Variants in CDC26 observed in about 807,000 individuals in gnomAD.
CDC26 encodes the protein cell division cycle 26, also known as anaphase-promoting complex subunit CDC26.
Under a neutral mutation model 8.0 loss-of-function variants are expected in CDC26, and 2 were observed. That is an observed-to-expected ratio of 0.25 (90% CI 0.10 to 0.79). The LOEUF (loss-of-function observed/expected upper bound fraction) is 0.79. Ranked by LOEUF, CDC26 falls within the 30% of genes least tolerant of loss-of-function variation. CDC26 has a pLI of 0.70. For synonymous variants in CDC26, 19 were observed against 34.9 expected, an observed-to-expected ratio of 0.55 and a Z score of 1.60; for missense variants, 68 against 106.0, an observed-to-expected ratio of 0.64 and a Z score of 1.57.
In CDC26 at chr9:113,272,521, C is replaced by G. The variant is rs769388126; in HGVS notation, c.-14G>C. 2 of 1,584,258 alleles carry G rather than the reference C, an allele frequency of 1.3e-6. No homozygotes were observed. Among genetic ancestry groups the G allele is most frequent in the Non-Finnish European group, 1.7e-6 (2 of 1,152,914 alleles). Reference sequence around the variant, plus strand: ...CCGTCTCAGCATACTGAAGTCAACACTAAGGGCCAAACCCAGTGAACTATT... The same window carrying G: ...CCGTCTCAGCATACTGAAGTCAACAGTAAGGGCCAAACCCAGTGAACTATT... On this transcript the variant is annotated 5_prime_UTR_variant, in exon 3 of 4. Coordinates refer to ENST00000374206, the MANE Select transcript of CDC26 (RefSeq NM_139286.4).
At chr9:113,271,579 T>C (rs1033149815) in intron 3 of CDC26, among the ~76,000 whole-genome samples, 1 of 152,184 alleles carries the variant, frequency 6.6e-6, no homozygotes, top group Non-Finnish European at 1.5e-5. Context: ...GATTCTTCCC[T>C]AGATCCTCCA....
At chr9:113,267,490 A>C (rs745670790) in intron 3 of CDC26, 51 bp from the exon 4 acceptor site, 1 of 1,563,224 alleles carries the variant, frequency 6.4e-7, no homozygotes, top group Non-Finnish European at 8.7e-7. Context: ...CAATTAGCAA[A>C]TGTTTATTTA....
At chr9:113,273,845 A>AAAAAAAAAG (rs1186886459) in intron 1 of CDC26, among the ~76,000 whole-genome samples, 2 of 143,580 alleles carry the variant, frequency 1.4e-5, no homozygotes, top group African/African-American at 5.3e-5. Context: ...AAAAAAAAAA[A>AAAAAAAAAG]AGGCTCAAGA....
intron 3 of CDC26, among the ~76,000 whole-genome samples, chr9:113,268,322 A>G (rs72758265): frequency 0.036 from 5,478 of 152,296 alleles, 150 homozygotes; most frequent in Non-Finnish European, 0.057. Context: ...GTTTTATGCT[A>G]TCTTATCAAA....
intron 3 of CDC26, among the ~76,000 whole-genome samples, chr9:113,269,615 G>A (rs1364599830): frequency 6.6e-6 from 1 of 152,192 alleles, no homozygotes; most frequent in Non-Finnish European, 1.5e-5. Flanking sequence ...ACTGTCTTTA[G>A]TGGAAAGACT....
In CDC26 at chr9:113,272,334, G is replaced by A. The variant is rs985959965; in HGVS notation, c.81+93C>T. The stretch of plus-strand genomic sequence containing the variant: ...GCGGGAGGCTGAGGCAGAGGAGGCA[G>A]AGGTTGCAGTGGGCCAAGATCATGC... On this transcript the variant is annotated intron_variant, in intron 3 of 3. Coordinates refer to ENST00000374206, the MANE Select transcript of CDC26 (RefSeq NM_139286.4). 13 of 912,866 alleles carry A rather than the reference G, an allele frequency of 1.4e-5. No individual in the cohort carries two copies. The Admixed American group carries it at 2.3e-4, about 16-fold the overall frequency. 56.5% of individuals were successfully genotyped at this position (912,866 alleles called of 1,614,324 possible). A position where few individuals can be genotyped will look rare whatever the true frequency, so the allele number is the denominator to read the frequency against.
intron 1 of CDC26, among the ~76,000 whole-genome samples, chr9:113,275,054 GGCCGAAGCTCCTCC>G (rs1291132288): frequency 6.6e-6 from 1 of 152,046 alleles, no homozygotes; most frequent in Non-Finnish European, 1.5e-5. Context: ...AACAAAATCA[GGCCGAAGCTCCTCC>G]GCCGGGTCTT....
chr9:113,273,821 C>CAAAAAA (rs149642304), intron 1 of CDC26, among the ~76,000 whole-genome samples: 61 of 53,118 alleles, frequency 1.1e-3, no homozygotes, highest in Admixed American at 3.1e-3. Flanking sequence ...GACCCCAACT[C>CAAAAAA]AAAAAAAAAA....
chr9:113,269,171 G>T (rs1005831696), intron 3 of CDC26, among the ~76,000 whole-genome samples: 3 of 152,000 alleles, frequency 2.0e-5, no homozygotes, highest in African/African-American at 7.3e-5. Context: ...GCAGTGAGCT[G>T]TGATCATGCC....
chr9:113,270,203 A>T (rs1419197073), intron 3 of CDC26, among the ~76,000 whole-genome samples: 1 of 152,232 alleles, frequency 6.6e-6, no homozygotes, highest in African/African-American at 2.4e-5. Context: ...CACTGTGTAT[A>T]GGCACTGAGA....
chr9:113,271,578 C>T (rs190535492), intron 3 of CDC26, among the ~76,000 whole-genome samples: 2 of 152,276 alleles, frequency 1.3e-5, no homozygotes, highest in Admixed American at 1.3e-4. Context: ...GGATTCTTCC[C>T]TAGATCCTCC....
intron 3 of CDC26, among the ~76,000 whole-genome samples, chr9:113,267,976 A>T (rs1175674105): frequency 6.6e-6 from 1 of 152,022 alleles, no homozygotes; most frequent in African/African-American, 2.4e-5. Context: ...ACAGAGCGAG[A>T]CTCTGTCTTA....
chr9:113,267,159 G>A lies in CDC26; in HGVS notation c.*104C>T. Reference sequence around the variant, plus strand: ...TGCAGAAGATTTGTCTCTGCAGGAGGTACATTCTGCTTGACTGCAAGCACT... The same window carrying A: ...TGCAGAAGATTTGTCTCTGCAGGAGATACATTCTGCTTGACTGCAAGCACT... On this transcript the variant is annotated 3_prime_UTR_variant, in exon 4 of 4. Coordinates refer to ENST00000374206, the MANE Select transcript of CDC26 (RefSeq NM_139286.4). The A allele has an allele frequency of 1.6e-6, 1 of 627,048 alleles. No individual in the cohort carries two copies. The highest frequency in any genetic ancestry group is 2.7e-6 in the Non-Finnish European group (1 of 376,638). 38.8% of individuals were successfully genotyped at this position (627,048 alleles called of 1,614,324 possible). A position where few individuals can be genotyped will look rare whatever the true frequency, so the allele number is the denominator to read the frequency against.
At position 113,273,451 on chromosome 9, in the gene CDC26, C is replaced by G. The variant is rs1308467756; in HGVS notation, c.-151-13G>C. On this transcript the variant is annotated splice_polypyrimidine_tract_variant and intron_variant, in intron 1 of 3. Transcript: ENST00000374206. ...GTACAGTCATAATCTGTGGGGAAAACAAAGAGAAAACTGTGATATCATGTA... is the reference window on the plus strand; with the variant it reads ...GTACAGTCATAATCTGTGGGGAAAAGAAAGAGAAAACTGTGATATCATGTA... 1 of 152,156 alleles carries G rather than the reference C, an allele frequency of 6.6e-6. No individual in the cohort carries two copies. The highest frequency in any genetic ancestry group is 2.4e-5 in the African/African-American group (1 of 41,424). The allele number at this position is 152,156 out of a possible 1,614,324, so 9.4% of individuals were successfully genotyped here.
chr9:113,267,084 C>T lies in CDC26; in HGVS notation c.*179G>A, dbSNP rs1831873415. On this transcript the variant is annotated 3_prime_UTR_variant, in exon 4 of 4. Transcript: ENST00000374206. ...TAGAGTCAAATTTTCAAGAGACAAA[C>T]CAGAGTTTGGATTCCAGCTTAGAGT... 4.2e-6 allele frequency: 2 copies of T among 473,886 alleles called. No individual in the cohort carries two copies. The highest frequency in any genetic ancestry group is 3.9e-5 in the African/African-American group (2 of 50,868). The allele number at this position is 473,886 out of a possible 1,614,324, so 29.4% of individuals were successfully genotyped here.
intron 3 of CDC26, among the ~76,000 whole-genome samples, chr9:113,271,249 C>CT (rs1027481497): frequency 4.6e-5 from 7 of 152,124 alleles, no homozygotes; most frequent in African/African-American, 1.7e-4. Flanking sequence ...TTTCTCTCTT[C>CT]TTTTTTTAAC....
intron 3 of CDC26, among the ~76,000 whole-genome samples, chr9:113,270,408 G>A (rs1468939698): frequency 6.6e-6 from 1 of 152,128 alleles, no homozygotes; most frequent in Non-Finnish European, 1.5e-5. Context: ...GAACTAGATG[G>A]TAAGAACTCA....
chr9:113,270,762 G>A (rs547228017), intron 3 of CDC26, among the ~76,000 whole-genome samples: 8 of 152,280 alleles, frequency 5.3e-5, no homozygotes, highest in African/African-American at 1.9e-4. Flanking sequence ...AGAGAGCAAG[G>A]CAAAGAATGG....
At chr9:113,274,066 C>G (rs1804574863) in intron 1 of CDC26, among the ~76,000 whole-genome samples, 1 of 152,128 alleles carries the variant, frequency 6.6e-6, no homozygotes, top group Admixed American at 6.6e-5. Flanking sequence ...TTCTTGAGCA[C>G]CGTGCTGTTT....
Sources: allele counts gnomAD v4.1 joint callset (sites outside exome capture counted in the v4.1 genomes callset), GRCh38; gene constraint gnomAD v4.1.1; transcripts MANE v1.5; gene names NCBI Gene and HGNC (gene_info 2026-07-23, HGNC 2026-07-21).